The following TMEM209 variants were observed in gnomAD, a reference collection of about 807,000 sequenced individuals.
The protein encoded by TMEM209 is testicular tissue protein Li 202.
Under a neutral mutation model 76.2 loss-of-function variants are expected in TMEM209, and 65 were observed. That is an observed-to-expected ratio of 0.85 (90% CI 0.70 to 1.05). The LOEUF is 1.05. Among genes scored for constraint, TMEM209 ranks in the 50% least tolerant of loss-of-function variants. The pLI is 0.00. For missense variants in TMEM209, 623 were observed against 685.5 expected (o/e 0.91, Z 1.02); for synonymous variants, 239 against 237.6 (o/e 1.01, Z -0.06).
intron 6 of TMEM209, 66 bp from the exon 7 acceptor site, chr7:130,185,433 A>G (rs1051675355): frequency 1.4e-6 from 2 of 1,392,802 alleles, no homozygotes; most frequent in Non-Finnish European, 2.0e-6. Flanking sequence ...GTTAACACTT[A>G]TATCTAGGCA....
intron 3 of TMEM209, among the ~76,000 whole-genome samples, chr7:130,202,887 G>C (rs780832783): frequency 1.3e-5 from 2 of 152,054 alleles, no homozygotes; most frequent in Non-Finnish European, 2.9e-5. Flanking sequence ...TCGGGAGTTT[G>C]AGACCAGCCT....
chr7:130,178,945 ACTTTTTTT>A (rs1797327313), intron 9 of TMEM209, among the ~76,000 whole-genome samples: 1 of 151,978 alleles, frequency 6.6e-6, no homozygotes, highest in Non-Finnish European at 1.5e-5. Flanking sequence ...CACCTGGTTC[ACTTTTTTT>A]CTTTTTTTCT....
At chr7:130,175,268 C>T in intron 11 of TMEM209, 1 of 368,402 alleles carries the variant, frequency 2.7e-6, no homozygotes, top group South Asian at 6.3e-5. Flanking sequence ...TCAAGACCAG[C>T]CTGGGCAAAA....
chr7:130,186,164 T>TA (rs1375396729), intron 6 of TMEM209, among the ~76,000 whole-genome samples: 1 of 152,172 alleles, frequency 6.6e-6, no homozygotes, highest in East Asian at 1.9e-4. Context: ...TTAACTGATA[T>TA]AAAAAATATC....
At chr7:130,170,553 T>C (rs769961255) in intron 13 of TMEM209, 80 bp from the exon 14 acceptor site, 97 of 1,076,292 alleles carry the variant, frequency 9.0e-5, no homozygotes, top group Non-Finnish European at 1.2e-4. Flanking sequence ...ATCTTATCAA[T>C]TCATATCCTA....
intron 11 of TMEM209, 143 bp downstream of exon 11, chr7:130,175,369 G>A (rs908255767): frequency 1.5e-6 from 1 of 681,202 alleles, no homozygotes; most frequent in South Asian, 2.2e-5. Context: ...GCTGAGCTGG[G>A]AGGAGCACTT....
At chr7:130,193,093 T>TA (rs1198329957) in intron 5 of TMEM209, among the ~76,000 whole-genome samples, 2 of 152,338 alleles carry the variant, frequency 1.3e-5, no homozygotes, top group East Asian at 3.9e-4. Context: ...TCCTTAGTAT[T>TA]ACCCAAGGAG....
In TMEM209 at chr7:130,179,326, A is replaced by G. The variant is rs547323390; in HGVS notation, c.1121-799T>C. On this transcript the variant is annotated intron_variant, in intron 9 of 14. Transcript: ENST00000397622. ...AGATAGCCAGATTTACACATGCAAC[A>G]CCCCCTCCTCCCCTTCCCCAGAGAA... Among the ~76,000 whole-genome samples the G allele has an allele frequency of 4.6e-5, 7 of 151,828 alleles. 1 individual carries two copies. The South Asian group carries it at 1.5e-3, about 32-fold the overall frequency.
intron 5 of TMEM209, among the ~76,000 whole-genome samples, chr7:130,197,459 G>T (rs1798027198): frequency 6.6e-6 from 1 of 152,160 alleles, no homozygotes; most frequent in Non-Finnish European, 1.5e-5. Context: ...GAGACTTAGG[G>T]GGTGGAAAAA....
intron 10 of TMEM209, among the ~76,000 whole-genome samples, 162 bp from the exon 11 acceptor site, chr7:130,175,771 T>C (rs1467102003): frequency 6.6e-6 from 1 of 152,118 alleles, no homozygotes; most frequent in Non-Finnish European, 1.5e-5. Context: ...AAGTTAAACA[T>C]GTCCCTGAAG....
In TMEM209 at chr7:130,205,370, C is replaced by A. The variant is rs1371015105; in HGVS notation, c.3+3G>T. ...AAGCACAAACACGACCCCGAAAACG[C>A]ACCATGTCCTCTGGCCGGAAAACGC... On this transcript the variant is annotated splice_donor_region_variant and intron_variant, in intron 1 of 14. Transcript: ENST00000397622. 2 of 1,614,002 alleles carry A rather than the reference C, an allele frequency of 1.2e-6. No individual in the cohort carries two copies. The highest frequency in any genetic ancestry group is 1.7e-6 in the Non-Finnish European group (2 of 1,179,912).
chr7:130,188,536 C>T (rs1237780897), intron 6 of TMEM209, among the ~76,000 whole-genome samples: 1 of 141,978 alleles, frequency 7.0e-6, no homozygotes, highest in Non-Finnish European at 1.5e-5. Flanking sequence ...GCGGAGCTTG[C>T]AGCGAGCCGA....
chr7:130,171,781 G>C (rs1264402703), intron 13 of TMEM209, among the ~76,000 whole-genome samples: 1 of 152,116 alleles, frequency 6.6e-6, no homozygotes, highest in East Asian at 1.9e-4. Context: ...TATCATCCCA[G>C]CACTTTGGGT....
At chr7:130,197,418 A>T (rs777985742) in intron 5 of TMEM209, among the ~76,000 whole-genome samples, 1 of 152,232 alleles carries the variant, frequency 6.6e-6, no homozygotes, top group African/African-American at 2.4e-5. Context: ...TACTTACAGT[A>T]TCAAATTCAG....
At chr7:130,187,557 TCAAAGGGC>T (rs529752596) in intron 6 of TMEM209, among the ~76,000 whole-genome samples, 206 of 150,108 alleles carry the variant, frequency 1.4e-3, no homozygotes, top group Non-Finnish European at 2.1e-3. Flanking sequence ...ACCAGGAATC[TCAAAGGGC>T]CACATTCAGA....
intron 14 of TMEM209, 61 bp downstream of exon 14, chr7:130,170,339 T>C (rs1423948058): frequency 4.2e-6 from 6 of 1,413,022 alleles, no homozygotes; most frequent in Non-Finnish European, 2.0e-6. Context: ...TTCTGCAGAA[T>C]CTTAACATAG....
intron 6 of TMEM209, among the ~76,000 whole-genome samples, chr7:130,186,781 T>TCAC (rs891761630): frequency 7.9e-5 from 12 of 151,570 alleles, no homozygotes; most frequent in East Asian, 7.8e-4. Context: ...AACACCACCA[T>TCAC]CACCACCACC....
chr7:130,166,543 C>G, intron 14 of TMEM209, 38 bp from the exon 15 acceptor site: 1 of 1,404,508 alleles, frequency 7.1e-7, no homozygotes, highest in Non-Finnish European at 9.5e-7. Flanking sequence ...GAATTGGTTG[C>G]CAAGCATTTA....
chr7:130,173,516 A>G lies in TMEM209; in HGVS notation c.1557+116T>C, dbSNP rs115237394. 2.5e-3 allele frequency: 1,817 copies of G among 713,854 alleles called. 27 individuals are homozygous for G. The African/African-American group carries it at 0.03, about 12-fold the overall frequency. The allele number at this position is 713,854 out of a possible 1,614,324, so 44.2% of individuals were successfully genotyped here. ...TAAGAAATATATATGTAGGAAACAC[A>G]TTTCCAATTTAAAAAATTTACTTCT... On this transcript the variant is annotated intron_variant, in intron 13 of 14. Coordinates refer to ENST00000397622, the MANE Select transcript of TMEM209 (RefSeq NM_032842.4).
Sources: gnomAD v4.1 joint callset for allele counts (sites outside exome capture counted in the v4.1 genomes callset) on GRCh38, gnomAD v4.1.1 for gene constraint, MANE v1.5 for transcripts, NCBI Gene and HGNC (gene_info 2026-07-23, HGNC 2026-07-21) for gene names.